UMODL1: variants seen among roughly 807,000 people sequenced by gnomAD.
UMODL1 encodes uromodulin-like 1.
Under a neutral mutation model 136.3 loss-of-function variants are expected in UMODL1, and 128 were observed. That is an observed-to-expected ratio of 0.94 (90% CI 0.81 to 1.09). UMODL1 has a LOEUF of 1.09. Ranked by LOEUF, UMODL1 falls within the 50% of genes least tolerant of loss-of-function variation. UMODL1 has a pLI of 0.00. For synonymous variants in UMODL1, 721 were observed against 720.0 expected (o/e 1.00, Z -0.02); for missense variants, 1,766 against 1,725.6 (o/e 1.02, Z -0.41).
At chr21:42,089,892 G>A (rs1396752691) in intron 5 of UMODL1, among the ~76,000 whole-genome samples, 1 of 152,242 alleles carries the variant, frequency 6.6e-6, no homozygotes, top group African/African-American at 2.4e-5. Context: ...GGAGGCCTGG[G>A]CCAGCCTCAG....
chr21:42,084,022 C>T (rs1038064932), intron 2 of UMODL1, 62 bp from the exon 3 acceptor site: 22 of 1,578,044 alleles, frequency 1.4e-5, no homozygotes, highest in Middle Eastern at 1.7e-4. Context: ...GTGAGGTCCC[C>T]GTGCAGCAAA....
chr21:42,071,393 G>T lies in UMODL1; in HGVS notation c.76+1G>T, dbSNP rs200823234. On this transcript the variant is annotated splice_donor_variant, in intron 1 of 22. Coordinates refer to ENST00000408910, the MANE Select transcript of UMODL1 (RefSeq NM_001004416.3). LOFTEE classifies it high-confidence loss of function. ...CCAAGCCAGGCCAGCGGCTTCACAG[G>T]TGAGGGGTCTGGGCTTGGCATGGGC... is the stretch of plus-strand genomic sequence containing the variant. 7 of 1,585,190 alleles carry T rather than the reference G, an allele frequency of 4.4e-6. No homozygotes were observed. The Admixed American group carries it at 5.4e-5, about 12-fold the overall frequency.
In UMODL1 at chr21:42,109,561, G is replaced by A; in HGVS notation, c.1520-1G>A. ...GTTTTGATTGTGTCTCCCCCTGGCAGACTGGGACGAGTGTGTGGACAGCGC... is the reference window on the plus strand; with the variant it reads ...GTTTTGATTGTGTCTCCCCCTGGCAAACTGGGACGAGTGTGTGGACAGCGC... On this transcript the variant is annotated splice_acceptor_variant, in intron 9 of 22. Coordinates refer to ENST00000408910, the MANE Select transcript of UMODL1 (RefSeq NM_001004416.3). LOFTEE classifies it high-confidence loss of function. The A allele has an allele frequency of 6.2e-7, 1 of 1,610,920 alleles. No individual in the cohort carries two copies. The highest frequency in any genetic ancestry group is 8.5e-7 in the Non-Finnish European group (1 of 1,179,990).
At chr21:42,125,391 A>G (rs1418523580) in intron 17 of UMODL1, among the ~76,000 whole-genome samples, 1 of 152,108 alleles carries the variant, frequency 6.6e-6, no homozygotes, top group Non-Finnish European at 1.5e-5. Flanking sequence ...GTCGGAGGCC[A>G]TTGCAGAGCA....
intron 12 of UMODL1, among the ~76,000 whole-genome samples, chr21:42,113,277 A>G (rs1224542432): frequency 6.6e-6 from 1 of 151,892 alleles, no homozygotes; most frequent in African/African-American, 2.4e-5. Context: ...CCTGCTCAAG[A>G]GGCCTTCATT....
chr21:42,127,017 T>A lies in UMODL1; in HGVS notation c.3305T>A (p.Ile1102Asn). 1 of 1,614,108 alleles carries A rather than the reference T, an allele frequency of 6.2e-7. No individual in the cohort carries two copies. Among genetic ancestry groups the A allele is most frequent in the South Asian group, 1.1e-5 (1 of 91,078 alleles). The change falls in exon 19 of 23, where the codon ATC becomes AAC. Residue 1102 changes from isoleucine (I) to asparagine (N), a missense_variant. Ile to Asn is a moderately radical substitution (Grantham distance 149). Coordinates refer to ENST00000408910, the MANE Select transcript of UMODL1 (RefSeq NM_001004416.3). Reference sequence around the variant, plus strand: ...GCTTCCTCTTGCAGGGTTTACACCATCATCGAGGACCTCCACGGCGCTGGG... The same window carrying A: ...GCTTCCTCTTGCAGGGTTTACACCAACATCGAGGACCTCCACGGCGCTGGG... ...GFTLEWGVYT[I>N]IEDLHGAGNF... is the part of the protein sequence containing the mutation.
chr21:42,111,622 G>C lies in UMODL1; in HGVS notation c.2016G>C (p.Thr672=). ...CCCGGGAAACACTTCTGAATCCCAC[G>C]TGGCTGCGAAATGAGGACAGTGGAC... ...RSTRETLLNP[T]WLRNEDSGPS... Residue 672 remains threonine, a synonymous_variant, in exon 12 of 23, where the codon ACG becomes ACC. Coordinates refer to ENST00000408910, the MANE Select transcript of UMODL1 (RefSeq NM_001004416.3). The C allele has an allele frequency of 6.2e-7, 1 of 1,614,110 alleles. No individual in the cohort carries two copies. The highest frequency in any genetic ancestry group is 8.5e-7 in the Non-Finnish European group (1 of 1,179,988).
Position 42,138,346 on chromosome 21 carries a change from G to A in UMODL1, c.*21+705G>A, listed in dbSNP as rs149813056. ...GCTCGTAGGGATTGTCACGTGTGGT[G>A]TGGATGCCACAGTGGACCCCCCACA... On this transcript the variant is annotated intron_variant, in intron 22 of 22. Coordinates refer to ENST00000408910, the MANE Select transcript of UMODL1 (RefSeq NM_001004416.3). Among the ~76,000 whole-genome samples the A allele has an allele frequency of 5.4e-3, 828 of 152,284 alleles. 11 individuals carry two copies. Among genetic ancestry groups the A allele is most frequent in the African/African-American group, 0.019 (801 of 41,558 alleles).
chr21:42,109,724 T>G (rs761893379), intron 10 of UMODL1, 25 bp downstream of exon 10: 1 of 1,596,660 alleles, frequency 6.3e-7, no homozygotes, highest in Non-Finnish European at 8.5e-7. Context: ...CCCTGCCGAC[T>G]CTGGGAAGAC....
rs193277279 is a variant in UMODL1 at position 42,073,835 on chromosome 21, T to C, written c.77-2170T>C. 8.5e-5 allele frequency among the ~76,000 whole-genome samples: 13 copies of C among 152,260 alleles called. No homozygotes were observed. The East Asian group carries it at 1.5e-3, about 18-fold the overall frequency. On this transcript the variant is annotated intron_variant, in intron 1 of 22. Transcript: ENST00000408910. ...CCCCAGAAATCAATCCAGCTACTCA[T>C]TGAGGGAAATCAACTGTAATACTGA...
At position 42,137,478 on chromosome 21, in the gene UMODL1, A is replaced by G. The variant is rs761979298; in HGVS notation, c.3815A>G (p.Tyr1272Cys). 1.9e-6 allele frequency: 3 copies of G among 1,614,226 alleles called. No homozygotes were observed. Among genetic ancestry groups the G allele is most frequent in the South Asian group, 1.1e-5 (1 of 91,086 alleles). The change falls in exon 22 of 23, where the codon TAT (tyrosine) becomes TGT (cysteine). Residue 1272 changes from tyrosine (Y) to cysteine (C), a missense_variant. Tyr to Cys is a radical substitution (Grantham distance 194). Transcript: ENST00000408910. ...GCAGAAGCAGGCCTGGGTGCCGGTT[A>G]TGTGGTCCTTATTGTGGTGGCCATC... ...PHAEAGLGAG[Y>C]VVLIVVAIFV...
At chr21:42,092,768 G>A (rs888725682) in intron 6 of UMODL1, among the ~76,000 whole-genome samples, 26 of 152,232 alleles carry the variant, frequency 1.7e-4, no homozygotes, top group Admixed American at 4.6e-4. Context: ...CACTTCACGC[G>A]CTCTGGGCTC....
At position 42,104,221 on chromosome 21, in the gene UMODL1, C is replaced by T. The variant is rs547951389; in HGVS notation, c.1519+134C>T. ...AAATCCTTATTCTATCTTCCTCCACCGGAACCAGGGGCCAGGGCAGTAGCC... is the reference window on the plus strand; with the variant it reads ...AAATCCTTATTCTATCTTCCTCCACTGGAACCAGGGGCCAGGGCAGTAGCC... On this transcript the variant is annotated intron_variant, in intron 9 of 22. Transcript: ENST00000408910. The T allele has an allele frequency of 8.5e-5, 85 of 1,004,026 alleles. No homozygotes were observed. The Middle Eastern group carries it at 1.3e-3, about 15-fold the overall frequency. 62.2% of individuals were successfully genotyped at this position (1,004,026 alleles called of 1,614,324 possible). A position where few individuals can be genotyped will look rare whatever the true frequency, so the allele number is the denominator to read the frequency against.
chr21:42,119,841 TAAG>T (rs1487994033), intron 15 of UMODL1, among the ~76,000 whole-genome samples: 4 of 152,180 alleles, frequency 2.6e-5, no homozygotes, highest in African/African-American at 7.2e-5. Flanking sequence ...ATTTTTAGAA[TAAG>T]AAGGACTTCC....
upstream of UMODL1, among the ~76,000 whole-genome samples, chr21:42,067,603 C>T (rs547340616): frequency 2.0e-5 from 3 of 152,362 alleles, no homozygotes; most frequent in South Asian, 6.2e-4. Context: ...GTGAGGCATG[C>T]AGGGTCTGAA....
At chr21:42,070,257 G>A (rs553183781), upstream of UMODL1, among the ~76,000 whole-genome samples, 82 of 152,322 alleles carry the variant, frequency 5.4e-4, no homozygotes, top group African/African-American at 1.7e-3. Context: ...TCATCTGAAT[G>A]TTTCCTCAGT....
intron 21 of UMODL1, among the ~76,000 whole-genome samples, chr21:42,133,701 C>T (rs541487701): frequency 2.0e-5 from 3 of 152,292 alleles, no homozygotes; most frequent in Non-Finnish European, 4.4e-5. Flanking sequence ...CTTTGGTGGA[C>T]CTTGGCTTGC....
chr21:42,080,362 G>A (rs550932208), intron 2 of UMODL1, among the ~76,000 whole-genome samples: 17 of 152,264 alleles, frequency 1.1e-4, no homozygotes, highest in African/African-American at 3.9e-4. Context: ...CCTCTGTGGC[G>A]GGGCCTCCAG....
chr21:42,109,065 T>G (rs1601234211), intron 9 of UMODL1, among the ~76,000 whole-genome samples: 1 of 105,010 alleles, frequency 9.5e-6, no homozygotes, highest in Non-Finnish European at 1.9e-5. Context: ...GGAAAGCTGG[T>G]GTTATACTCC....
Sources: gnomAD v4.1 joint callset for allele counts (sites outside exome capture counted in the v4.1 genomes callset) on GRCh38, gnomAD v4.1.1 for gene constraint, MANE v1.5 for transcripts, NCBI Gene and HGNC (gene_info 2026-07-23, HGNC 2026-07-21) for gene names.